GRID2: variants seen among roughly 807,000 people sequenced by gnomAD.
The protein encoded by GRID2 is glutamate ionotropic receptor delta type subunit 2.
In GRID2, 33 loss-of-function variants were observed where a neutral mutation model predicts 114.8. The ratio of observed to expected loss-of-function variants is 0.29; its 90% confidence interval spans 0.22 to 0.38. The LOEUF is 0.38. GRID2 is among the 10% of genes least tolerant of loss of function. The pLI, the probability that GRID2 is intolerant of heterozygous loss-of-function variation, is 1.00. For missense variants in GRID2, 1,184 were observed against 1,257.7 expected (o/e 0.94, Z 0.89); for synonymous variants, 505 against 449.9 (o/e 1.12, Z -1.55).
intron 2 of GRID2, among the ~76,000 whole-genome samples, chr4:92,917,237 T>C (rs1273881472): frequency 6.6e-6 from 1 of 152,130 alleles, no homozygotes; most frequent in Non-Finnish European, 1.5e-5. Flanking sequence ...TTTTTTTGAG[T>C]TCATTGTAGA....
intron 8 of GRID2, among the ~76,000 whole-genome samples, chr4:93,244,965 C>A (rs1748035447): frequency 6.6e-6 from 1 of 151,670 alleles, no homozygotes; most frequent in Admixed American, 6.6e-5. Context: ...GGAAAATCTG[C>A]CATAGTTATT....
intron 8 of GRID2, among the ~76,000 whole-genome samples, chr4:93,307,390 CTCG>C (rs1755548002): frequency 6.6e-6 from 1 of 150,532 alleles, no homozygotes; most frequent in South Asian, 2.1e-4. Context: ...TCTAAATTTT[CTCG>C]TCATTTTTTT....
intron 14 of GRID2, among the ~76,000 whole-genome samples, chr4:93,693,741 G>A (rs942620801): frequency 7.2e-5 from 11 of 152,088 alleles, no homozygotes; most frequent in Non-Finnish European, 1.2e-4. Flanking sequence ...GAGGACCACA[G>A]TAATTTCATT....
At chr4:92,777,320 G>A (rs546094496) in intron 2 of GRID2, among the ~76,000 whole-genome samples, 1 of 152,092 alleles carries the variant, frequency 6.6e-6, no homozygotes, top group African/African-American at 2.4e-5. Context: ...TGACCTTGCT[G>A]TTATAGTTCA....
chr4:92,369,923 T>G (rs1229466588), intron 1 of GRID2, among the ~76,000 whole-genome samples: 7 of 152,190 alleles, frequency 4.6e-5, no homozygotes, highest in Non-Finnish European at 8.8e-5. Context: ...TGAATATATA[T>G]TTATGTAGCA....
chr4:92,681,610 C>T (rs899066396), intron 2 of GRID2, among the ~76,000 whole-genome samples: 11 of 151,982 alleles, frequency 7.2e-5, no homozygotes, highest in Non-Finnish European at 1.5e-4. Context: ...TTAATGGGTG[C>T]AGCACACCAA....
intron 2 of GRID2, among the ~76,000 whole-genome samples, chr4:93,002,992 ATCTC>A (rs1288289009): frequency 1.3e-5 from 2 of 151,766 alleles, no homozygotes; most frequent in Admixed American, 1.3e-4. Context: ...ATGTTGTCAG[ATCTC>A]TCTCTGCCTC....
At chr4:93,166,964 G>A (rs1389160628) in intron 4 of GRID2, among the ~76,000 whole-genome samples, 1 of 152,124 alleles carries the variant, frequency 6.6e-6, no homozygotes, top group Non-Finnish European at 1.5e-5. Flanking sequence ...CAGGAGAGAG[G>A]CAGTGCATTG....
At chr4:92,734,311 G>A (rs1736482739) in intron 2 of GRID2, among the ~76,000 whole-genome samples, 1 of 150,336 alleles carries the variant, frequency 6.7e-6, no homozygotes, top group Admixed American at 6.7e-5. Flanking sequence ...TTTTAAGATA[G>A]GGTCTTGCTC....
chr4:93,523,021 A>C (rs950142252), intron 13 of GRID2, among the ~76,000 whole-genome samples: 1 of 152,150 alleles, frequency 6.6e-6, no homozygotes, highest in African/African-American at 2.4e-5. Context: ...AGGGTCAGTT[A>C]GTGACCACTC....
At chr4:92,769,067 A>G (rs780667732) in intron 2 of GRID2, among the ~76,000 whole-genome samples, 15 of 152,190 alleles carry the variant, frequency 9.9e-5, no homozygotes, top group Non-Finnish European at 2.1e-4. Flanking sequence ...CCTTCTGCCT[A>G]TGAGCCTGTG....
intron 1 of GRID2, among the ~76,000 whole-genome samples, chr4:92,341,539 T>C (rs1727488442): frequency 1.3e-5 from 2 of 152,170 alleles, no homozygotes; most frequent in African/African-American, 4.8e-5. Flanking sequence ...ATAAATGTGA[T>C]GATAAATCTG....
At chr4:93,416,641 C>T (rs1187462247) in intron 9 of GRID2, among the ~76,000 whole-genome samples, 4 of 152,032 alleles carry the variant, frequency 2.6e-5, no homozygotes, top group African/African-American at 7.2e-5. Context: ...CCAACGCCAT[C>T]ACTAGCAAAC....
At chr4:93,084,788 C>A (rs373733252) in intron 2 of GRID2, among the ~76,000 whole-genome samples, 1 of 152,318 alleles carries the variant, frequency 6.6e-6, no homozygotes, top group Admixed American at 6.5e-5. Context: ...GTGATTTGCA[C>A]AAGGTCGCAT....
At chr4:93,754,775 G>A (rs982888404) in intron 14 of GRID2, among the ~76,000 whole-genome samples, 1 of 152,146 alleles carries the variant, frequency 6.6e-6, no homozygotes, top group African/African-American at 2.4e-5. Flanking sequence ...ATTCATAAAG[G>A]TTTAAAACAG....
chr4:93,789,609 T>G (rs1213014444), intron 1 of GRID2, among the ~76,000 whole-genome samples: 1 of 152,206 alleles, frequency 6.6e-6, no homozygotes, highest in Non-Finnish European at 1.5e-5. Context: ...TTGACCCAAC[T>G]TACAGTAAAA....
intron 1 of GRID2, among the ~76,000 whole-genome samples, chr4:92,579,745 A>C (rs1477484212): frequency 6.6e-6 from 1 of 151,716 alleles, no homozygotes; most frequent in African/African-American, 2.4e-5. Context: ...GTATGAATAA[A>C]ACTTACAGTG....
chr4:93,440,442 A>C (rs1721520474), intron 10 of GRID2, among the ~76,000 whole-genome samples: 1 of 152,110 alleles, frequency 6.6e-6, no homozygotes, highest in Admixed American at 6.6e-5. Context: ...TTAAACAAGT[A>C]ATAATAGACA....
intron 2 of GRID2, among the ~76,000 whole-genome samples, chr4:92,611,467 A>C (rs2149229131): frequency 6.6e-6 from 1 of 151,660 alleles, no homozygotes; most frequent in African/African-American, 2.4e-5. Context: ...ATTTAACCTT[A>C]ATTACCTCCT....
Sources: allele counts gnomAD v4.1 joint callset (sites outside exome capture counted in the v4.1 genomes callset), GRCh38; gene constraint gnomAD v4.1.1; transcripts MANE v1.5; gene names NCBI Gene and HGNC (gene_info 2026-07-23, HGNC 2026-07-21).